Variants in KIF17 observed in about 807,000 individuals in gnomAD.
KIF17 encodes the protein kinesin family member 17.
KIF17 carries 80 observed loss-of-function variants against 96.8 expected under a neutral mutation model. The ratio of observed to expected loss-of-function variants is 0.83; its 90% confidence interval spans 0.69 to 1.00. The LOEUF (loss-of-function observed/expected upper bound fraction) is 1.00. Among genes scored for constraint, KIF17 ranks in the 50% least tolerant of loss-of-function variants. The pLI is 0.00. For synonymous variants in KIF17, 567 were observed against 587.5 expected, an observed-to-expected ratio of 0.97 and a Z score of 0.51; for missense variants, 1,280 against 1,372.9, an observed-to-expected ratio of 0.93 and a Z score of 1.07.
chr1:20,692,511 C>T (rs1313035107), intron 6 of KIF17, among the ~76,000 whole-genome samples: 1 of 152,044 alleles, frequency 6.6e-6, no homozygotes, highest in Admixed American at 6.6e-5. Context: ...CCATGCCTGG[C>T]TAATTTTCGT....
Position 20,682,910 on chromosome 1 carries a change from C to T in KIF17, c.2232-26G>A, listed in dbSNP as rs952145988. 4 of 1,594,200 alleles carry T rather than the reference C, an allele frequency of 2.5e-6. No homozygotes were observed. In the African/African-American group the frequency reaches 4.0e-5, roughly 16 times the overall value. ...CTGCCGGCGTGGAGGAGAAAGCAAA[C>T]AAGACAATATCTGCCCATCACCGAG... is the stretch of plus-strand genomic sequence containing the variant. On this transcript the variant is annotated intron_variant, in intron 10 of 14. Coordinates refer to ENST00000400463, the MANE Select transcript of KIF17 (RefSeq NM_001122819.3).
At chr1:20,691,613 C>A (rs1298296078) in intron 6 of KIF17, among the ~76,000 whole-genome samples, 1 of 150,052 alleles carries the variant, frequency 6.7e-6, no homozygotes, top group Admixed American at 6.6e-5. Flanking sequence ...TGTCCACCAC[C>A]ACGTCTGGCT....
At chr1:20,695,729 T>C (rs907070279) in intron 6 of KIF17, among the ~76,000 whole-genome samples, 4 of 152,150 alleles carry the variant, frequency 2.6e-5, no homozygotes, top group African/African-American at 9.7e-5. Context: ...CTCCAGGACC[T>C]TGTGCTTGCA....
At chr1:20,670,571 C>A in intron 12 of KIF17, 83 bp from the exon 13 acceptor site, 1 of 1,344,748 alleles carries the variant, frequency 7.4e-7, no homozygotes, top group Non-Finnish European at 1.1e-6. Flanking sequence ...GGGGGTCAGG[C>A]CTGGCTCAGG....
intron 6 of KIF17, among the ~76,000 whole-genome samples, chr1:20,694,978 A>G (rs2054108006): frequency 6.6e-6 from 1 of 152,178 alleles, no homozygotes; most frequent in Non-Finnish European, 1.5e-5. Context: ...CACCTTAGCA[A>G]TACGTGGATG....
intron 11 of KIF17, among the ~76,000 whole-genome samples, chr1:20,681,656 C>T (rs989755591): frequency 5.9e-5 from 9 of 152,132 alleles, no homozygotes; most frequent in South Asian, 2.1e-4. Flanking sequence ...TGACCCTCAC[C>T]GTGGGCAGAA....
At chr1:20,689,786 C>A (rs1381609260) in intron 7 of KIF17, among the ~76,000 whole-genome samples, 1 of 127,352 alleles carries the variant, frequency 7.9e-6, no homozygotes, top group Non-Finnish European at 1.9e-5. Flanking sequence ...TAAGAGGAGA[C>A]CGGAAAACAC....
chr1:20,685,171 C>T lies in KIF17; in HGVS notation c.2020-151G>A, dbSNP rs1220281009. On this transcript the variant is annotated intron_variant, in intron 9 of 14. Transcript: ENST00000400463. The surrounding 1 kb of genome is among the most constrained non-coding windows in gnomAD (Gnocchi z 4.1). ...CTCAGGGACACCAGTGACACAAAAA[C>T]ACGCCCTGTTGAGTTCTTACTGCCG... 4.1e-6 allele frequency: 3 copies of T among 727,338 alleles called. No individual in the cohort carries two copies. Among genetic ancestry groups the T allele is most frequent in the Admixed American group, 4.0e-5 (2 of 49,992 alleles). The allele number at this position is 727,338 out of a possible 1,614,324, so 45.1% of individuals were successfully genotyped here.
chr1:20,710,962 A>G (rs1339419783), intron 3 of KIF17, among the ~76,000 whole-genome samples: 1 of 151,974 alleles, frequency 6.6e-6, no homozygotes, highest in Non-Finnish European at 1.5e-5. Flanking sequence ...CAGGAGCTGA[A>G]GCTTGAGATG....
At chr1:20,673,345 G>T (rs1045845630) in intron 11 of KIF17, among the ~76,000 whole-genome samples, 1 of 152,058 alleles carries the variant, frequency 6.6e-6, no homozygotes, top group Non-Finnish European at 1.5e-5. Flanking sequence ...TGGTGCACAG[G>T]GGTTTCAACT....
intron 2 of KIF17, among the ~76,000 whole-genome samples, chr1:20,714,282 A>G (rs966098996): frequency 2.4e-4 from 36 of 151,794 alleles, no homozygotes; most frequent in Non-Finnish European, 3.7e-4. Context: ...AGCTGAGATC[A>G]CGCCACTGCA....
Position 20,687,420 on chromosome 1 carries a change from G to A in KIF17, c.1906C>T (p.Pro636Ser), listed in dbSNP as rs2154536088. The change falls in exon 8 of 15, where the codon CCC (proline) becomes TCC (serine). Residue 636 changes from proline to serine, a missense_variant. By Grantham distance (74) the Pro-to-Ser change is moderately conservative. Transcript: ENST00000400463. The surrounding 1 kb of genome is among the most constrained non-coding windows in gnomAD (Gnocchi z 4.4). ...GGGACCTTGGGGACGTCTGCCTGGG[G>A]TGCATCTGTCCTGGCCACGGTGGAG... ...LSSTVARTDAPQADVPKVPVQ... is the reference protein window; with the variant it reads ...LSSTVARTDASQADVPKVPVQ... 1.2e-6 allele frequency: 2 copies of A among 1,613,742 alleles called. No individual in the cohort carries two copies. The highest frequency in any genetic ancestry group is 1.7e-6 in the Non-Finnish European group (2 of 1,180,030).
At position 20,717,889 on chromosome 1, in the gene KIF17, C is replaced by T; in HGVS notation, c.-183G>A. 3.0e-6 allele frequency: 1 copy of T among 327,880 alleles called. No individual in the cohort carries two copies. Among genetic ancestry groups the T allele is most frequent in the Non-Finnish European group, 4.7e-6 (1 of 211,770 alleles). The allele number at this position is 327,880 out of a possible 1,614,324, so 20.3% of individuals were successfully genotyped here. A position where few individuals can be genotyped will look rare whatever the true frequency, so the allele number is the denominator to read the frequency against. ...CGCCCCGGAGGGGAGCTGGGCGTCG[C>T]AGGACCCGAGCCGGGGCCGCCGCTT... On this transcript the variant is annotated 5_prime_UTR_variant, in exon 1 of 15. Coordinates refer to ENST00000400463, the MANE Select transcript of KIF17 (RefSeq NM_001122819.3).
chr1:20,674,007 T>C (rs898941830), intron 11 of KIF17, among the ~76,000 whole-genome samples: 3 of 152,138 alleles, frequency 2.0e-5, no homozygotes, highest in Non-Finnish European at 4.4e-5. Context: ...CAGCTCACTG[T>C]GGCCTCGACG....
chr1:20,678,665 A>G (rs1441942056), intron 11 of KIF17, among the ~76,000 whole-genome samples: 7 of 152,146 alleles, frequency 4.6e-5, no homozygotes, highest in Admixed American at 2.0e-4. Context: ...ATGGGGAGGT[A>G]AGCAGAGAGC....
At chr1:20,705,029 G>A in intron 4 of KIF17, 130 bp from the exon 5 acceptor site, 1 of 786,414 alleles carries the variant, frequency 1.3e-6, no homozygotes, top group Non-Finnish European at 2.2e-6. Flanking sequence ...GGAGCCCCAG[G>A]AAGCAGGTGC....
rs1321451203 is a variant in KIF17 at position 20,664,612 on chromosome 1, T to C, written c.3059A>G (p.Lys1020Arg). Residue 1020 changes from lysine (K) to arginine (R), a missense_variant, in exon 15 of 15, where the codon AAA becomes AGA. Lys to Arg is a conservative substitution (Grantham distance 26, BLOSUM62 2). Transcript: ENST00000400463. The part of the protein sequence containing the change: ...PFTKAKRKKS[K>R]SNFGSEPL ...CAGAGGCTCACTGCCAAAGTTGCTT[T>C]TGCTTTTCTTACGCTTGGCCTTGGT... is the stretch of plus-strand genomic sequence containing the variant. 6.2e-7 allele frequency: 1 copy of C among 1,614,032 alleles called. No homozygotes were observed. The highest frequency in any genetic ancestry group is 1.7e-5 in the Admixed American group (1 of 60,016).
Position 20,670,270 on chromosome 1 carries a change from G to A in KIF17, c.2790+151C>T, listed in dbSNP as rs561938166. The stretch of plus-strand genomic sequence containing the variant: ...TTGAGGGTCTAGGTGCCAATGGAGG[G>A]GCATGAAAAGGATCCAGCCTTGGCC... On this transcript the variant is annotated intron_variant, in intron 13 of 14. Transcript: ENST00000400463. The A allele has an allele frequency of 1.8e-5, 13 of 739,026 alleles. No homozygotes were observed. In the South Asian group the frequency reaches 2.0e-4, roughly 11 times the overall value. The allele number at this position is 739,026 out of a possible 1,614,324, so 45.8% of individuals were successfully genotyped here. A position where few individuals can be genotyped will look rare whatever the true frequency, so the allele number is the denominator to read the frequency against.
Position 20,704,421 on chromosome 1 carries a change from C to T in KIF17, c.1123+26G>A. On this transcript the variant is annotated intron_variant, in intron 5 of 14. Coordinates refer to ENST00000400463, the MANE Select transcript of KIF17 (RefSeq NM_001122819.3). The surrounding 1 kb of genome is among the most constrained non-coding windows in gnomAD (Gnocchi z 6.8). ...GCTTTCTCCTGGGGACCTGGCCCTC[C>T]CGCCACTACCCCAACGTGGTCCCAC... 1 of 1,595,942 alleles carries T rather than the reference C, an allele frequency of 6.3e-7. No individual in the cohort carries two copies. Among genetic ancestry groups the T allele is most frequent in the Non-Finnish European group, 8.6e-7 (1 of 1,166,868 alleles).
Sources: allele counts gnomAD v4.1 joint callset (sites outside exome capture counted in the v4.1 genomes callset), GRCh38; gene constraint gnomAD v4.1.1; non-coding constraint Gnocchi (gnomAD v3.1); transcripts MANE v1.5; gene names NCBI Gene and HGNC (gene_info 2026-07-23, HGNC 2026-07-21).